The following SLC17A1 variants were observed in gnomAD, a reference collection of about 807,000 sequenced individuals.
SLC17A1 encodes solute carrier family 17 member 1.
Under a neutral mutation model 53.5 loss-of-function variants are expected in SLC17A1, and 51 were observed. That is an observed-to-expected ratio of 0.95 (90% CI 0.76 to 1.20). The LOEUF (loss-of-function observed/expected upper bound fraction) is 1.20, where lower values mean the gene tolerates loss of function less well. Ranked by LOEUF, SLC17A1 falls within the 50% of genes most tolerant of loss-of-function variation. The pLI, the probability that SLC17A1 is intolerant of heterozygous loss-of-function variation, is 0.00. For missense variants in SLC17A1, 538 were observed against 568.2 expected (o/e 0.95, Z 0.54); for synonymous variants, 179 against 198.8 (o/e 0.90, Z 0.84).
At chr6:25,803,858 T>C (rs948796671) in intron 10 of SLC17A1, among the ~76,000 whole-genome samples, 4 of 152,118 alleles carry the variant, frequency 2.6e-5, no homozygotes, top group Admixed American at 6.6e-5. Flanking sequence ...TATTCAATTA[T>C]CTTAATTACT....
the SLC17A1 span, chr6:25,761,967 C>T: frequency 6.2e-7 from 1 of 1,612,964 alleles, no homozygotes; most frequent in East Asian, 2.2e-5. Context: ...ACCAAAATGT[C>T]TACCGGACCA....
At chr6:25,731,848 C>A in the SLC17A1 span, 1 of 1,602,758 alleles carries the variant, frequency 6.2e-7, no homozygotes, top group Non-Finnish European at 8.5e-7. Flanking sequence ...TTGGCTAGTT[C>A]CCCAGGCAGC....
At chr6:25,726,922 C>T in the SLC17A1 span, 22 of 1,612,726 alleles carry the variant, frequency 1.4e-5, no homozygotes, top group African/African-American at 9.4e-5. Context: ...CCGGAGGTGT[C>T]ATCTAAAGGT....
chr6:25,803,248 T>C (rs1763844262), intron 10 of SLC17A1, among the ~76,000 whole-genome samples: 1 of 152,082 alleles, frequency 6.6e-6, no homozygotes. Context: ...CGCAGGCATT[T>C]TTAAGATAGG....
intron 7 of SLC17A1, 50 bp from the exon 8 acceptor site, chr6:25,813,042 G>A: frequency 6.2e-7 from 1 of 1,610,420 alleles, no homozygotes; most frequent in Non-Finnish European, 8.5e-7. Flanking sequence ...ACTGGAACAT[G>A]TTTAGTTTGG....
chr6:25,769,024 A>T, the SLC17A1 span: 1 of 1,614,010 alleles, frequency 6.2e-7, no homozygotes, highest in South Asian at 1.1e-5. Context: ...CTCATCTTGC[A>T]GCTCTGTAAT....
At position 25,791,030 on chromosome 6, in the gene SLC17A1, G is replaced by A. The variant is rs115265174; in HGVS notation, c.*2+7753C>T. Reference sequence around the variant, plus strand: ...AGAAAATATAAGATAACAACCTTAAGTTTTGTAAGAAATGCATAGGAAATG... The same window carrying A: ...AGAAAATATAAGATAACAACCTTAAATTTTGTAAGAAATGCATAGGAAATG... On this transcript the variant is annotated intron_variant, in intron 12 of 12. Coordinates refer to ENST00000244527, the MANE Select transcript of SLC17A1 (RefSeq NM_005074.5). Among the ~76,000 whole-genome samples the A allele has an allele frequency of 1.1e-3, 170 of 152,228 alleles. 1 individual carries two copies. Among genetic ancestry groups the A allele is most frequent in the African/African-American group, 3.6e-3 (150 of 41,552 alleles).
At position 25,830,621 on chromosome 6, in the gene SLC17A1, A is replaced by T. The variant is rs866841098; in HGVS notation, c.-50-14T>A. The T allele has an allele frequency of 5.0e-6, 8 of 1,595,216 alleles. No homozygotes were observed. The Middle Eastern group carries it at 1.3e-3, about 265-fold the overall frequency. On this transcript the variant is annotated splice_polypyrimidine_tract_variant and intron_variant, in intron 1 of 12. Coordinates refer to ENST00000244527, the MANE Select transcript of SLC17A1 (RefSeq NM_005074.5). ...TGCCTCCACCCACTGTGAGTGCAAA[A>T]CACGTTGATGTCAGCATAATGTAGA... is the stretch of plus-strand genomic sequence containing the variant.
chr6:25,815,980 G>A (rs1364328877), intron 6 of SLC17A1, among the ~76,000 whole-genome samples: 1 of 142,580 alleles, frequency 7.0e-6, no homozygotes, highest in Non-Finnish European at 1.5e-5. Flanking sequence ...AAGAAATTTT[G>A]TGTCCCTTCC....
chr6:25,799,177 A>G (rs558146352), intron 11 of SLC17A1, among the ~76,000 whole-genome samples: 1 of 152,170 alleles, frequency 6.6e-6, no homozygotes, highest in South Asian at 2.1e-4. Flanking sequence ...TAATTAACTG[A>G]TTTTTTTAAT....
At chr6:25,738,725 T>C in the SLC17A1 span, among the ~76,000 whole-genome samples, 2 of 152,082 alleles carry the variant, frequency 1.3e-5, no homozygotes, top group Admixed American at 6.6e-5. Flanking sequence ...ATGAACAATA[T>C]TCATGAAGAA....
At chr6:25,758,223 A>C in the SLC17A1 span, among the ~76,000 whole-genome samples, 16 of 152,186 alleles carry the variant, frequency 1.1e-4, no homozygotes, top group Non-Finnish European at 2.1e-4. Flanking sequence ...CCTTGCAGGC[A>C]GCTCCTATAA....
At chr6:25,740,980 A>G in the SLC17A1 span, among the ~76,000 whole-genome samples, 3 of 152,274 alleles carry the variant, frequency 2.0e-5, no homozygotes, top group Non-Finnish European at 4.4e-5. Flanking sequence ...GATCTCATGG[A>G]GATAGAAGGT....
Position 25,791,699 on chromosome 6 carries a change from C to T in SLC17A1, c.*2+7084G>A, listed in dbSNP as rs140011830. Among the ~76,000 whole-genome samples, 1,478 of 152,282 alleles carry T rather than the reference C, an allele frequency of 9.7e-3. 22 individuals carry two copies. Among genetic ancestry groups the T allele is most frequent in the African/African-American group, 0.019 (788 of 41,550 alleles). On this transcript the variant is annotated intron_variant, in intron 12 of 12. Transcript: ENST00000244527. ...TGAGCTCACACCTTCTGGATGACTCCAAAGCTGCTGAATGCTTTAAGTGGT... is the reference window on the plus strand; with the variant it reads ...TGAGCTCACACCTTCTGGATGACTCTAAAGCTGCTGAATGCTTTAAGTGGT...
the SLC17A1 span, chr6:25,773,434 T>C: frequency 6.2e-7 from 1 of 1,612,160 alleles, no homozygotes; most frequent in South Asian, 1.1e-5. Flanking sequence ...TATGTCCCTC[T>C]AGACGTCTGA....
At chr6:25,747,166 C>T in the SLC17A1 span, among the ~76,000 whole-genome samples, 2 of 152,196 alleles carry the variant, frequency 1.3e-5, no homozygotes, top group African/African-American at 4.8e-5. Context: ...GCAGAGTAAT[C>T]AACCCAGTGC....
the SLC17A1 span, among the ~76,000 whole-genome samples, chr6:25,760,625 C>A: frequency 6.6e-6 from 1 of 152,148 alleles, no homozygotes; most frequent in Non-Finnish European, 1.5e-5. Context: ...GACCTTTTCA[C>A]TCCATTTTCC....
At chr6:25,806,968 A>G (rs1763977381) in intron 10 of SLC17A1, among the ~76,000 whole-genome samples, 1 of 152,200 alleles carries the variant, frequency 6.6e-6, no homozygotes, top group Admixed American at 6.6e-5. Flanking sequence ...AATTAAAACC[A>G]TAGTGAGATA....
the SLC17A1 span, among the ~76,000 whole-genome samples, chr6:25,756,763 A>G: frequency 6.6e-6 from 1 of 152,206 alleles, no homozygotes; most frequent in African/African-American, 2.4e-5. Flanking sequence ...TGAAAGCACA[A>G]CATTGCATTC....
Sources: allele counts gnomAD v4.1 joint callset (sites outside exome capture counted in the v4.1 genomes callset), GRCh38; gene constraint gnomAD v4.1.1; transcripts MANE v1.5; gene names NCBI Gene and HGNC (gene_info 2026-07-23, HGNC 2026-07-21).